ANKS1B: variants seen among roughly 807,000 people sequenced by gnomAD.
ANKS1B encodes the protein ankyrin repeat and sterile alpha motif domain-containing protein 1B.
In ANKS1B, 36 loss-of-function variants were observed where a neutral mutation model predicts 148.3. The ratio of observed to expected loss-of-function variants is 0.24; its 90% CI spans 0.19 to 0.32. The LOEUF (loss-of-function observed/expected upper bound fraction) is 0.32, where lower values mean the gene tolerates loss of function less well. Among genes scored for constraint, ANKS1B ranks in the 10% least tolerant of loss-of-function variants. ANKS1B has a pLI of 1.00. For synonymous variants in ANKS1B, 542 were observed against 560.8 expected (o/e 0.97, Z 0.47); for missense variants, 1,157 against 1,542.6 (o/e 0.75, Z 4.19).
chr12:99,580,051 C>T (rs1209932964), intron 9 of ANKS1B, among the ~76,000 whole-genome samples: 6 of 152,136 alleles, frequency 3.9e-5, no homozygotes, highest in African/African-American at 1.4e-4. Context: ...TTTGCATCAA[C>T]ATGGATGCAG....
chr12:99,658,869 T>A (rs1422382312), intron 8 of ANKS1B, among the ~76,000 whole-genome samples: 2 of 152,244 alleles, frequency 1.3e-5, no homozygotes, highest in African/African-American at 4.8e-5. Context: ...AAGTGTGGCT[T>A]ATTTACCCTT....
At chr12:99,050,849 G>A (rs1049197249) in intron 17 of ANKS1B, among the ~76,000 whole-genome samples, 7 of 150,562 alleles carry the variant, frequency 4.6e-5, no homozygotes, top group African/African-American at 9.7e-5. Context: ...CCGCCACCAC[G>A]CCCGGCTAAT....
chr12:99,450,637 C>T (rs1364735237), intron 10 of ANKS1B, among the ~76,000 whole-genome samples: 1 of 152,118 alleles, frequency 6.6e-6, no homozygotes, highest in Non-Finnish European at 1.5e-5. Context: ...TGAGCTATAC[C>T]ATTACACTGA....
At chr12:99,258,384 G>T (rs910467498) in intron 12 of ANKS1B, among the ~76,000 whole-genome samples, 2 of 151,774 alleles carry the variant, frequency 1.3e-5, no homozygotes, top group African/African-American at 4.8e-5. Context: ...AACTAAGGGA[G>T]GTTTGGTATT....
At chr12:99,892,218 T>TTA (rs1246446110) in intron 1 of ANKS1B, among the ~76,000 whole-genome samples, 4 of 152,072 alleles carry the variant, frequency 2.6e-5, no homozygotes. Flanking sequence ...TTAGCCAGGA[T>TTA]GGTCTTGATC....
At chr12:99,744,991 CAAAAAAAAA>C (rs55904412) in intron 8 of ANKS1B, among the ~76,000 whole-genome samples, 1,389 of 52,144 alleles carry the variant, frequency 0.027, 16 homozygotes, top group Admixed American at 0.039. Flanking sequence ...GACTCTGTCT[CAAAAAAAAA>C]AAAAAAAAAA....
At chr12:98,946,451 A>T (rs1386920689) in intron 17 of ANKS1B, among the ~76,000 whole-genome samples, 1 of 152,218 alleles carries the variant, frequency 6.6e-6, no homozygotes, top group East Asian at 1.9e-4. Context: ...GTGTACAGGC[A>T]CTGCTTTAAG....
At chr12:99,219,457 G>A (rs1382387563) in intron 14 of ANKS1B, among the ~76,000 whole-genome samples, 1 of 152,202 alleles carries the variant, frequency 6.6e-6, no homozygotes, top group Non-Finnish European at 1.5e-5. Flanking sequence ...TTCCTTCAAA[G>A]TAAGGAAGTA....
At chr12:99,163,847 G>A (rs1009128000) in intron 14 of ANKS1B, among the ~76,000 whole-genome samples, 8 of 152,038 alleles carry the variant, frequency 5.3e-5, no homozygotes, top group East Asian at 1.9e-4. Flanking sequence ...TGGATGTACC[G>A]CACCATTTAC....
rs754159329 is a variant in ANKS1B at position 98,744,630 on chromosome 12, CTTTT to C, written c.*1105_*1108del. On this transcript the variant is annotated 3_prime_UTR_variant, in exon 27 of 27. Coordinates refer to ENST00000683438, the MANE Select transcript of ANKS1B (RefSeq NM_001352186.2). The stretch of plus-strand genomic sequence containing the variant: ...TTTATTTAATCAAATAGTAAGCAAA[CTTTT>C]TTTTTGTTTGTCTCAAGAAAAGTTT... 1 of 825,648 alleles carries C rather than the reference CTTTT, an allele frequency of 1.2e-6. No individual in the cohort carries two copies. Among genetic ancestry groups the C allele is most frequent in the Admixed American group, 6.4e-5 (1 of 15,682 alleles). The allele number at this position is 825,648 out of a possible 1,614,324, so 51.1% of individuals were successfully genotyped here. A position where few individuals can be genotyped will look rare whatever the true frequency, so the allele number is the denominator to read the frequency against.
At chr12:99,560,834 TTTTTTC>T (rs1392391895) in intron 9 of ANKS1B, among the ~76,000 whole-genome samples, 15,318 of 135,086 alleles carry the variant, frequency 0.11, 654 homozygotes, top group Non-Finnish European at 0.15. Context: ...AATTTCTTTC[TTTTTTC>T]TTTTTTTTTT....
At chr12:99,041,089 G>C (rs1202601897) in intron 17 of ANKS1B, among the ~76,000 whole-genome samples, 2 of 152,138 alleles carry the variant, frequency 1.3e-5, no homozygotes, top group African/African-American at 2.4e-5. Context: ...GCTGAAACCT[G>C]TCCAAGAACA....
chr12:99,399,558 T>C, intron 12 of ANKS1B, 73 bp downstream of exon 12: 1 of 1,506,216 alleles, frequency 6.6e-7, no homozygotes, highest in Non-Finnish European at 9.0e-7. Flanking sequence ...CGAAGACTCC[T>C]CCTAATTCCT....
chr12:99,444,661 GGC>G (rs1251169050), intron 10 of ANKS1B, among the ~76,000 whole-genome samples: 2 of 151,698 alleles, frequency 1.3e-5, no homozygotes, highest in East Asian at 3.9e-4. Context: ...ACAACAATTT[GGC>G]AAACTTCAAT....
intron 4 of ANKS1B, among the ~76,000 whole-genome samples, chr12:99,802,989 A>G (rs2067145604): frequency 6.6e-6 from 1 of 152,114 alleles, no homozygotes; most frequent in South Asian, 2.1e-4. Context: ...AAAGCCATCT[A>G]TAAGTTTTAA....
chr12:98,817,503 C>T lies in ANKS1B; in HGVS notation c.3067-9585G>A, dbSNP rs116281760. Among the ~76,000 whole-genome samples, 825 of 152,370 alleles carry T rather than the reference C, an allele frequency of 5.4e-3. 7 individuals are homozygous for T. Among genetic ancestry groups the T allele is most frequent in the African/African-American group, 0.019 (787 of 41,600 alleles). On this transcript the variant is annotated intron_variant, in intron 19 of 26. Coordinates refer to ENST00000683438, the MANE Select transcript of ANKS1B (RefSeq NM_001352186.2). ...TTTCTTGTGAGTTACCCAGAGGCCG[C>T]AGGCCAGCATCTGATTACTTCTTCC...
chr12:99,526,142 A>T (rs1454732146), intron 9 of ANKS1B, among the ~76,000 whole-genome samples: 1 of 152,198 alleles, frequency 6.6e-6, no homozygotes, highest in Admixed American at 6.6e-5. Flanking sequence ...TGTAGATAAT[A>T]CACAGTGTTA....
intron 12 of ANKS1B, among the ~76,000 whole-genome samples, chr12:99,267,825 A>G (rs765129041): frequency 1.3e-5 from 2 of 152,218 alleles, no homozygotes; most frequent in Non-Finnish European, 2.9e-5. Flanking sequence ...AGTGAGGTGC[A>G]TTCCAAGCAC....
chr12:98,876,336 T>A (rs896194066), intron 17 of ANKS1B, among the ~76,000 whole-genome samples: 1 of 152,200 alleles, frequency 6.6e-6, no homozygotes, highest in African/African-American at 2.4e-5. Flanking sequence ...GAATTCCTGA[T>A]CATCCTTGAA....
Sources: gnomAD v4.1 joint callset for allele counts (sites outside exome capture counted in the v4.1 genomes callset) on GRCh38, gnomAD v4.1.1 for gene constraint, MANE v1.5 for transcripts, NCBI Gene and HGNC (gene_info 2026-07-23, HGNC 2026-07-21) for gene names.